Variants in FRS2 observed in about 807,000 individuals in gnomAD.
FRS2 encodes FGFR signalling adaptor.
A neutral mutation model predicts 43.9 loss-of-function variants in FRS2; 8 were observed. The observed-to-expected ratio is 0.18, with a 90% CI of 0.11 to 0.33. FRS2 has a LOEUF of 0.33. Ranked by LOEUF, FRS2 falls within the 10% of genes least tolerant of loss-of-function variation. FRS2 has a pLI of 1.00. For missense variants in FRS2, 534 were observed against 627.6 expected (o/e 0.85, Z 1.59); for synonymous variants, 219 against 220.3 (o/e 0.99, Z 0.05).
intron 3 of FRS2, among the ~76,000 whole-genome samples, chr12:69,536,641 A>ACGATCCTT (rs1877346188): frequency 6.7e-6 from 1 of 149,864 alleles, no homozygotes; most frequent in African/African-American, 2.5e-5. Flanking sequence ...GTGCAGTGGC[A>ACGATCCTT]CGATCCTTTA....
chr12:69,530,182 G>T (rs963862407), intron 1 of FRS2, among the ~76,000 whole-genome samples: 1 of 146,180 alleles, frequency 6.8e-6, no homozygotes, highest in Non-Finnish European at 1.5e-5. Flanking sequence ...GATAATAATT[G>T]CTTACAACAA....
intron 1 of FRS2, among the ~76,000 whole-genome samples, chr12:69,518,287 A>C (rs1292509087): frequency 6.6e-6 from 1 of 152,224 alleles, no homozygotes; most frequent in Admixed American, 6.5e-5. Flanking sequence ...TTACCTTAGA[A>C]TTTAGTTGTG....
intron 1 of FRS2, among the ~76,000 whole-genome samples, chr12:69,494,234 A>C (rs920748820): frequency 2.0e-5 from 3 of 152,220 alleles, no homozygotes; most frequent in African/African-American, 4.8e-5. Context: ...TAGGCGATAA[A>C]ATAATTATAG....
At chr12:69,527,342 G>GTTTTTTTTTTTTT in intron 1 of FRS2, among the ~76,000 whole-genome samples, 1 of 33,148 alleles carries the variant, frequency 3.0e-5, no homozygotes, top group African/African-American at 2.0e-4. Flanking sequence ...TTTTTTTAAT[G>GTTTTTTTTTTTTT]ATTTTTTTTT....
At chr12:69,541,518 T>G (rs949569108) in intron 3 of FRS2, among the ~76,000 whole-genome samples, 1 of 152,102 alleles carries the variant, frequency 6.6e-6, no homozygotes, top group Admixed American at 6.6e-5. Flanking sequence ...TATTCTAGTA[T>G]AGTTACTGGT....
rs533387617 is a variant in FRS2 at position 69,555,333 on chromosome 12, CTG to C, written c.-121-6844_-121-6843del. Among the ~76,000 whole-genome samples, 9 of 152,324 alleles carry C rather than the reference CTG, an allele frequency of 5.9e-5. No homozygotes were observed. The East Asian group carries it at 1.7e-3, about 29-fold the overall frequency. ...AGTGCTGGATTACAGGCATGAGCCACTGTGCCCAGCCCTTTTTTCTTATACTT... is the reference window on the plus strand; with the variant it reads ...AGTGCTGGATTACAGGCATGAGCCACTGCCCAGCCCTTTTTTCTTATACTT... On this transcript the variant is annotated intron_variant, in intron 3 of 8. Coordinates refer to ENST00000549921, the MANE Select transcript of FRS2 (RefSeq NM_001278356.2).
intron 1 of FRS2, among the ~76,000 whole-genome samples, chr12:69,481,029 G>A (rs913014833): frequency 6.6e-6 from 1 of 152,136 alleles, no homozygotes; most frequent in Non-Finnish European, 1.5e-5. Flanking sequence ...TTTCTTAAAC[G>A]TTTTATTTTG....
chr12:69,528,568 A>G (rs377037253), intron 1 of FRS2, among the ~76,000 whole-genome samples: 14 of 152,250 alleles, frequency 9.2e-5, no homozygotes, highest in Non-Finnish European at 1.5e-4. Context: ...CCACACTTTG[A>G]TAGATACATC....
chr12:69,536,174 G>T (rs1877284831), intron 3 of FRS2, among the ~76,000 whole-genome samples: 1 of 119,834 alleles, frequency 8.3e-6, no homozygotes, highest in Non-Finnish European at 1.6e-5. Flanking sequence ...ACCCAGGCTG[G>T]AGTGTAGTGG....
chr12:69,560,044 G>A (rs1879754218), intron 3 of FRS2, among the ~76,000 whole-genome samples: 1 of 152,078 alleles, frequency 6.6e-6, no homozygotes, highest in South Asian at 2.1e-4. Flanking sequence ...TCATACTTGT[G>A]AATAGAGTTC....
At chr12:69,550,752 A>G (rs1208815160) in intron 3 of FRS2, among the ~76,000 whole-genome samples, 2 of 152,244 alleles carry the variant, frequency 1.3e-5, no homozygotes, top group Non-Finnish European at 2.9e-5. Flanking sequence ...AGGATGAATC[A>G]TTTCTGGGAA....
intron 1 of FRS2, among the ~76,000 whole-genome samples, chr12:69,501,827 A>C (rs1873470167): frequency 6.6e-6 from 1 of 152,210 alleles, no homozygotes; most frequent in South Asian, 2.1e-4. Flanking sequence ...CATATTGTTT[A>C]TTAAAACACC....
At position 69,555,151 on chromosome 12, in the gene FRS2, TCTC is replaced by T. The variant is rs1330798964; in HGVS notation, c.-121-7026_-121-7024del. On this transcript the variant is annotated intron_variant, in intron 3 of 8. Transcript: ENST00000549921. ...CTTCTGCCTCCCAGGCTCAAACAATTCTCCTGACTCAGCCTCCCGAGTAGCTGG... is the reference window on the plus strand; with the variant it reads ...CTTCTGCCTCCCAGGCTCAAACAATTCTGACTCAGCCTCCCGAGTAGCTGG... Among the ~76,000 whole-genome samples, 3 of 151,430 alleles carry T rather than the reference TCTC, an allele frequency of 2.0e-5. No homozygotes were observed. The East Asian group carries it at 5.8e-4, about 29-fold the overall frequency.
At chr12:69,563,571 C>G (rs1264846330) in intron 4 of FRS2, among the ~76,000 whole-genome samples, 2 of 152,194 alleles carry the variant, frequency 1.3e-5, no homozygotes, top group African/African-American at 4.8e-5. Context: ...GACCGTGGGT[C>G]AGTTGAACTG....
intron 6 of FRS2, 62 bp downstream of exon 6, chr12:69,570,579 A>G (rs1880667346): frequency 4.2e-6 from 4 of 955,048 alleles, no homozygotes; most frequent in Non-Finnish European, 3.2e-6. Flanking sequence ...GCTATTCTGT[A>G]TACAAAGATT....
At chr12:69,535,264 G>C (rs558713685) in intron 3 of FRS2, among the ~76,000 whole-genome samples, 37 of 152,080 alleles carry the variant, frequency 2.4e-4, no homozygotes, top group Non-Finnish European at 3.7e-4. Flanking sequence ...TTTTACTGTG[G>C]GCACCATTAC....
chr12:69,475,856 G>T (rs117721373), intron 1 of FRS2, among the ~76,000 whole-genome samples: 2,702 of 152,234 alleles, frequency 0.018, 29 homozygotes, highest in Middle Eastern at 0.027. Flanking sequence ...GGAGAATGTA[G>T]TTGGCTTCTT....
chr12:69,567,923 T>C (rs1880433656), intron 4 of FRS2, among the ~76,000 whole-genome samples: 1 of 152,248 alleles, frequency 6.6e-6, no homozygotes, highest in African/African-American at 2.4e-5. Flanking sequence ...GTTTATACTG[T>C]TAAACTGAAG....
chr12:69,555,884 TAAC>T (rs1256723464), intron 3 of FRS2, among the ~76,000 whole-genome samples: 1 of 151,960 alleles, frequency 6.6e-6, no homozygotes, highest in African/African-American at 2.4e-5. Context: ...AGAATATATT[TAAC>T]AATATTTTAG....
Sources: allele counts gnomAD v4.1 joint callset (sites outside exome capture counted in the v4.1 genomes callset), GRCh38; gene constraint gnomAD v4.1.1; transcripts MANE v1.5; gene names NCBI Gene and HGNC (gene_info 2026-07-23, HGNC 2026-07-21).